RAP1GAP: variants seen among roughly 807,000 people sequenced by gnomAD.
RAP1GAP encodes rap1 GTPase-activating protein 1.
Under a neutral mutation model 87.2 loss-of-function variants are expected in RAP1GAP, and 35 were observed. The ratio of observed to expected loss-of-function variants is 0.40; its 90% CI spans 0.31 to 0.53. RAP1GAP has a LOEUF of 0.53. RAP1GAP is among the 20% of genes least tolerant of loss of function. The pLI is 0.48. For synonymous variants in RAP1GAP, 375 were observed against 363.9 expected (o/e 1.03, Z -0.35); for missense variants, 734 against 898.9 (o/e 0.82, Z 2.35).
rs773098312 is a variant in RAP1GAP, at chr1:21,608,357, G to T, written c.1159-7C>A. On this transcript the variant is annotated splice_region_variant and splice_polypyrimidine_tract_variant and intron_variant, in intron 16 of 24. Transcript: ENST00000374765. Reference sequence around the variant, plus strand: ...GGGCGGCCCGCGTCCGCTCCTGTGGGCCAGGCCCGGGCCGTCAGGAGGGAC... The same window carrying T: ...GGGCGGCCCGCGTCCGCTCCTGTGGTCCAGGCCCGGGCCGTCAGGAGGGAC... 6.2e-7 allele frequency: 1 copy of T among 1,611,628 alleles called. No individual in the cohort carries two copies. Among genetic ancestry groups the T allele is most frequent in the South Asian group, 1.1e-5 (1 of 91,014 alleles).
Position 21,622,085 on chromosome 1 carries a change from G to GCA in RAP1GAP, c.-18-2037_-18-2036dup, listed in dbSNP as rs2088282041. On this transcript the variant is annotated intron_variant, in intron 3 of 24. Transcript: ENST00000374765. The surrounding 1 kb of genome is among the most constrained non-coding windows in gnomAD (Gnocchi z 5.7). ...GGTAAAGTGGTCCCGACGGTAGCACGCACCCACACACACCCTGCCGCTGCA... is the reference window on the plus strand; with the variant it reads ...GGTAAAGTGGTCCCGACGGTAGCACGCACACCCACACACACCCTGCCGCTGCA... 1.3e-5 allele frequency among the ~76,000 whole-genome samples: 2 copies of GCA among 152,124 alleles called. No homozygotes were observed. Among genetic ancestry groups the GCA allele is most frequent in the Non-Finnish European group, 2.9e-5 (2 of 68,014 alleles).
At chr1:21,655,896 G>A (rs1282971808) in intron 1 of RAP1GAP, among the ~76,000 whole-genome samples, 2 of 152,166 alleles carry the variant, frequency 1.3e-5, no homozygotes, top group Non-Finnish European at 2.9e-5. Context: ...AAGATCTCAG[G>A]TCTGGGCTCT....
At chr1:21,623,731 A>T (rs949648877) in intron 3 of RAP1GAP, among the ~76,000 whole-genome samples, 9 of 152,254 alleles carry the variant, frequency 5.9e-5, no homozygotes, top group African/African-American at 1.9e-4. Context: ...ATAATTAACA[A>T]CAGCAAATAT....
intron 1 of RAP1GAP, among the ~76,000 whole-genome samples, chr1:21,657,721 G>A (rs2096920815): frequency 6.6e-6 from 1 of 152,192 alleles, no homozygotes; most frequent in Admixed American, 6.5e-5. Flanking sequence ...CTGGGCTGGC[G>A]GAGTCCTGAC....
At chr1:21,616,854 C>T (rs1441903711) in intron 7 of RAP1GAP, among the ~76,000 whole-genome samples, 1 of 152,208 alleles carries the variant, frequency 6.6e-6, no homozygotes, top group East Asian at 1.9e-4. Flanking sequence ...ATTTGCCACC[C>T]CTGACTGAGC....
intron 1 of RAP1GAP, among the ~76,000 whole-genome samples, chr1:21,660,353 T>TATATATATATATATATAGA: frequency 7.5e-5 from 2 of 26,838 alleles, no homozygotes; most frequent in South Asian, 1.3e-3. Flanking sequence ...ATATATTTAT[T>TATATATATATATATATAGA]GAGACAGTCT....
rs770952683 is a variant in RAP1GAP, at chr1:21,603,887, G to C, written c.1429-974C>G. ...ACTGCCCCGGCGTCCGAATCTACTC[G>C]CACTTTTCCCAGGAATAAGCAATGA... is the stretch of plus-strand genomic sequence containing the variant. On this transcript the variant is annotated intron_variant, in intron 18 of 24. Transcript: ENST00000374765. This position sits in a 1 kb window ranked among gnomAD's most constrained non-coding sequence, Gnocchi z 6.0. 1.3e-6 allele frequency: 2 copies of C among 1,562,550 alleles called. No individual in the cohort carries two copies. The highest frequency in any genetic ancestry group is 1.7e-6 in the Non-Finnish European group (2 of 1,152,138).
rs530149409 is a variant in RAP1GAP, at chr1:21,656,428, A to C, written c.-148-6632T>G. Among the ~76,000 whole-genome samples the C allele has an allele frequency of 8.4e-3, 1,250 of 148,704 alleles. 37 individuals are homozygous for C. Among genetic ancestry groups the C allele is most frequent in the Middle Eastern group, 0.028 (8 of 284 alleles). ...AGCAAGACTCCATCTAAAAAAAAAA[A>C]AAAAAAAAAAAAAAAAAAAAAAAAA... On this transcript the variant is annotated intron_variant, in intron 1 of 24. Transcript: ENST00000374765.
chr1:21,617,880 T>C (rs2083324132), intron 6 of RAP1GAP, 54 bp downstream of exon 6: 2 of 1,610,812 alleles, frequency 1.2e-6, no homozygotes, highest in Non-Finnish European at 1.7e-6. Flanking sequence ...AGAAGCCCTG[T>C]GTAAGTGCCT....
chr1:21,607,932 C>G (rs561456005), intron 17 of RAP1GAP, among the ~76,000 whole-genome samples: 2 of 151,424 alleles, frequency 1.3e-5, no homozygotes, highest in African/African-American at 2.4e-5. Flanking sequence ...AGACTCTACC[C>G]GCAGGCGAGC....
At chr1:21,653,158 G>C (rs1246927529) in intron 1 of RAP1GAP, 1 of 152,148 alleles carries the variant, frequency 6.6e-6, no homozygotes, top group Non-Finnish European at 1.5e-5. Flanking sequence ...TGGCGCTGCA[G>C]TTTCCCCATT....
At chr1:21,617,253 G>T in intron 7 of RAP1GAP, 53 bp downstream of exon 7, 2 of 1,538,360 alleles carry the variant, frequency 1.3e-6, no homozygotes, top group Non-Finnish European at 1.8e-6. Flanking sequence ...CCTCGAATGG[G>T]GCTGAACTGT....
At chr1:21,598,530 A>G (rs1646594210) in intron 21 of RAP1GAP, 28 bp from the exon 22 acceptor site, 3 of 1,574,006 alleles carry the variant, frequency 1.9e-6, no homozygotes, top group Non-Finnish European at 2.6e-6. Flanking sequence ...AGAGGGAGGG[A>G]GGTTAGCCTA....
chr1:21,628,371 T>C (rs1310270829), intron 2 of RAP1GAP, among the ~76,000 whole-genome samples: 2 of 104,514 alleles, frequency 1.9e-5, no homozygotes, highest in Non-Finnish European at 3.6e-5. Context: ...TGGCCAACCA[T>C]GGCCAATATG....
chr1:21,642,187 G>T (rs544813413), intron 2 of RAP1GAP, among the ~76,000 whole-genome samples: 1 of 152,338 alleles, frequency 6.6e-6, no homozygotes, highest in South Asian at 2.1e-4. Context: ...GTACAGTCAC[G>T]TGTAGGCAGT....
chr1:21,642,560 G>A (rs1262973199), intron 2 of RAP1GAP, among the ~76,000 whole-genome samples: 1 of 152,148 alleles, frequency 6.6e-6, no homozygotes, highest in African/African-American at 2.4e-5. Context: ...AGCACAGTCA[G>A]GGCCTCCCTG....
rs1325346492 is a variant in RAP1GAP at position 21,603,735 on chromosome 1, G to A, written c.1429-822C>T. On this transcript the variant is annotated intron_variant, in intron 18 of 24. Coordinates refer to ENST00000374765, the MANE Select transcript of RAP1GAP (RefSeq NM_002885.4). The surrounding 1 kb of genome is among the most constrained non-coding windows in gnomAD (Gnocchi z 6.0). ...GCACGCCCTGGGGCCTGTCCCGGGGGCAGAGGGGCAACGTCCCCAATATGG... is the reference window on the plus strand; with the variant it reads ...GCACGCCCTGGGGCCTGTCCCGGGGACAGAGGGGCAACGTCCCCAATATGG... The A allele has an allele frequency of 1.5e-6, 2 of 1,315,524 alleles. No individual in the cohort carries two copies. Among genetic ancestry groups the A allele is most frequent in the African/African-American group, 1.4e-5 (1 of 69,274 alleles). The allele number at this position is 1,315,524 out of a possible 1,614,324, so 81.5% of individuals were successfully genotyped here.
In RAP1GAP at chr1:21,648,483, C is replaced by G. The variant is rs141355901; in HGVS notation, c.-113+1278G>C. On this transcript the variant is annotated intron_variant, in intron 2 of 24. Transcript: ENST00000374765. ...CCTTGGGCAACTCATTTCCCCACTC[C>G]GGGCTTCATTGTTCTCATCTGTAAT... Among the ~76,000 whole-genome samples the G allele has an allele frequency of 4.8e-3, 731 of 152,278 alleles. 2 individuals carry two copies. The highest frequency in any genetic ancestry group is 0.015 in the African/African-American group (610 of 41,550).
intron 3 of RAP1GAP, among the ~76,000 whole-genome samples, chr1:21,621,973 G>A (rs1425523249): frequency 6.6e-6 from 1 of 152,196 alleles, no homozygotes; most frequent in African/African-American, 2.4e-5. Flanking sequence ...CTGAGAGATG[G>A]GGTCCAGATG....
Sources: gnomAD v4.1 joint callset for allele counts (sites outside exome capture counted in the v4.1 genomes callset) on GRCh38, gnomAD v4.1.1 for gene constraint, Gnocchi (gnomAD v3.1) non-coding constraint, MANE v1.5 for transcripts, NCBI Gene and HGNC (gene_info 2026-07-23, HGNC 2026-07-21) for gene names.